VPS13B: variants seen among roughly 807,000 people sequenced by gnomAD.
The protein encoded by VPS13B is intermembrane lipid transfer protein VPS13B.
Under a neutral mutation model 426.4 loss-of-function variants are expected in VPS13B, and 285 were observed. That is an observed-to-expected ratio of 0.67 (90% CI 0.61 to 0.74). The LOEUF is 0.74. VPS13B is among the 30% of genes least tolerant of loss of function. The probability of loss-of-function intolerance (pLI) is 0.00; values close to 1 mark genes in which losing one functional copy is unlikely to be tolerated. For missense variants in VPS13B, 4,537 were observed against 4,782.6 expected (o/e 0.95, Z 1.51); for synonymous variants, 1,676 against 1,676.4 (o/e 1.00, Z 0.01).
chr8:99,408,585 A>G (rs1815455954), intron 21 of VPS13B, among the ~76,000 whole-genome samples: 1 of 152,154 alleles, frequency 6.6e-6, no homozygotes, highest in Admixed American at 6.6e-5. Context: ...GGCTATGTTA[A>G]ATTTGAAATT....
chr8:99,143,139 A>G lies in VPS13B; in HGVS notation c.1817A>G (p.Tyr606Cys). 1 of 1,614,040 alleles carries G rather than the reference A, an allele frequency of 6.2e-7. No homozygotes were observed. The highest frequency in any genetic ancestry group is 8.5e-7 in the Non-Finnish European group (1 of 1,179,958). The change falls in exon 13 of 62, where the codon TAT becomes TGT. Residue 606 changes from tyrosine (Y) to cysteine (C), a missense_variant. This residue lies in a region of VPS13B where 4,311 missense variants were observed against 4,474.3 expected (regional missense o/e 0.96). Coordinates refer to ENST00000357162, the MANE Select transcript of VPS13B (RefSeq NM_152564.5). ...KMIVCALEHE[Y>C]EPYSRLKSDI... ...ATTGTGTGTGCCTTGGAACATGAAT[A>G]TGAACCATATAGCAGGCTAAAATCA...
rs561538706 is a variant in VPS13B, at chr8:99,684,962, T to C, written c.6047-14563T>C. Among the ~76,000 whole-genome samples, 2 of 152,248 alleles carry C rather than the reference T, an allele frequency of 1.3e-5. 1 individual carries two copies. The highest frequency in any genetic ancestry group is 4.2e-4 in the South Asian group (2 of 4,812). On this transcript the variant is annotated intron_variant, in intron 35 of 61. Transcript: ENST00000357162. ...GGATTACAGGCACCTGCCACCAACC[T>C]GGCTAATTTTTTGTATTTTTAGTAG...
chr8:99,033,761 T>C (rs1482221290), intron 2 of VPS13B, among the ~76,000 whole-genome samples: 1 of 151,846 alleles, frequency 6.6e-6, no homozygotes, highest in Admixed American at 6.6e-5. Flanking sequence ...CTGGGTGTGG[T>C]GGTGGGTGCC....
intron 19 of VPS13B, among the ~76,000 whole-genome samples, chr8:99,289,337 T>G (rs544991124): frequency 6.6e-6 from 1 of 152,240 alleles, no homozygotes; most frequent in East Asian, 1.9e-4. Flanking sequence ...AGAGACACTA[T>G]CAAAGTATTT....
chr8:99,150,424 G>A (rs994963290), intron 14 of VPS13B, among the ~76,000 whole-genome samples: 1 of 152,062 alleles, frequency 6.6e-6, no homozygotes, highest in African/African-American at 2.4e-5. Flanking sequence ...TTACATTAGG[G>A]TTCACTCTTG....
intron 41 of VPS13B, among the ~76,000 whole-genome samples, chr8:99,777,492 A>C (rs1033027637): frequency 5.9e-5 from 9 of 152,288 alleles, no homozygotes; most frequent in African/African-American, 2.2e-4. Context: ...AGAACAGTAC[A>C]GGAAAGACCT....
In VPS13B at chr8:99,393,975, A is replaced by G. The variant is rs538440197; in HGVS notation, c.3082+2271A>G. Reference sequence around the variant, plus strand: ...TCAATCACTGTTTTAATTATTATTTATATTGCATCATAAATTATAATGAGT... The same window carrying G: ...TCAATCACTGTTTTAATTATTATTTGTATTGCATCATAAATTATAATGAGT... On this transcript the variant is annotated intron_variant, in intron 21 of 61. Transcript: ENST00000357162. Among the ~76,000 whole-genome samples the G allele has an allele frequency of 4.0e-4, 61 of 152,222 alleles. 1 individual carries two copies. Among genetic ancestry groups the G allele is most frequent in the Admixed American group, 7.9e-4 (12 of 15,282 alleles).
In VPS13B at chr8:99,038,507, C is replaced by A. The variant is rs954707371; in HGVS notation, c.232C>A (p.Pro78Thr). 6.2e-7 allele frequency: 1 copy of A among 1,612,518 alleles called. No homozygotes were observed. Among genetic ancestry groups the A allele is most frequent in the Non-Finnish European group, 8.5e-7 (1 of 1,179,150 alleles). Reference protein sequence around the residue: ...HVPWTKLGSEPVVITINTMEC... With the variant: ...HVPWTKLGSETVVITINTMEC... ...ACCATGGACAAAACTGGGTTCAGAA[C>A]CAGTGGTAATTACCATCAATACTAT... Residue 78 changes from proline (P) to threonine (T), a missense_variant, in exon 3 of 62, where the codon CCA becomes ACA. Physicochemically the swap from Pro to Thr is conservative, Grantham distance 38. Transcript: ENST00000357162.
intron 43 of VPS13B, among the ~76,000 whole-genome samples, chr8:99,795,048 A>C (rs1028462041): frequency 6.6e-6 from 1 of 152,194 alleles, no homozygotes; most frequent in African/African-American, 2.4e-5. Flanking sequence ...CATCATTTGC[A>C]TCTGATAAAG....
chr8:99,230,251 CT>C (rs1816250273), intron 17 of VPS13B, among the ~76,000 whole-genome samples: 1 of 152,042 alleles, frequency 6.6e-6, no homozygotes, highest in Admixed American at 6.6e-5. Flanking sequence ...GCATTTTAAA[CT>C]CTTCATGTGA....
intron 12 of VPS13B, 146 bp downstream of exon 12, chr8:99,136,898 A>G: frequency 1.3e-6 from 1 of 786,440 alleles, no homozygotes; most frequent in Non-Finnish European, 2.2e-6. Context: ...TTTTAACATC[A>G]TGTTAGAATT....
In VPS13B at chr8:99,868,284, T is replaced by G. The variant is rs756262531; in HGVS notation, c.11216-5T>G. The G allele has an allele frequency of 8.1e-6, 13 of 1,614,178 alleles. No individual in the cohort carries two copies. Among genetic ancestry groups the G allele is most frequent in the Non-Finnish European group, 1.0e-5 (12 of 1,180,022 alleles). On this transcript the variant is annotated splice_polypyrimidine_tract_variant and splice_region_variant and intron_variant, in intron 58 of 61. Transcript: ENST00000357162. ...TGTCCTTACTGAGGGCTTTTGTTAT[T>G]CCAGGTGCAATTGCTGGTATAGTTG...
chr8:99,861,708 G>A, intron 57 of VPS13B, 68 bp from the exon 58 acceptor site: 1 of 1,551,752 alleles, frequency 6.4e-7, no homozygotes, highest in South Asian at 1.2e-5. Context: ...CGCTGCCTCT[G>A]AAACTACTGC....
At chr8:99,866,059 T>C (rs1817081930) in intron 58 of VPS13B, among the ~76,000 whole-genome samples, 1 of 152,164 alleles carries the variant, frequency 6.6e-6, no homozygotes, top group African/African-American at 2.4e-5. Context: ...TGGAAACCCC[T>C]CCCAGTCACG....
Position 99,111,265 on chromosome 8 carries a change from C to A in VPS13B, c.748C>A (p.Pro250Thr), listed in dbSNP as rs745595959. Residue 250 changes from proline (P) to threonine (T), a missense_variant, in exon 6 of 62, where the codon CCA (proline) becomes ACA (threonine). By Grantham distance (38) the Pro-to-Thr change is conservative. Around this residue, in one of 2 missense-constraint regions of VPS13B, gnomAD observed 226 missense variants for 308.3 expected, o/e 0.73. Transcript: ENST00000357162. ...FTYENLNSKM[P>T]SVIKIHTLVE... is the part of the protein sequence containing the mutation. ...ATATGAAAACCTAAATTCCAAGATG[C>A]CATCTGTTATTAAAGTAGGTATCTC... is the stretch of plus-strand genomic sequence containing the variant. The A allele has an allele frequency of 3.1e-6, 5 of 1,601,194 alleles. No individual in the cohort carries two copies. In the Admixed American group the frequency reaches 5.1e-5, roughly 16 times the overall value.
chr8:99,167,293 C>T (rs932074919), intron 15 of VPS13B, among the ~76,000 whole-genome samples: 2 of 151,994 alleles, frequency 1.3e-5, no homozygotes, highest in African/African-American at 2.4e-5. Flanking sequence ...TTATGTGTTT[C>T]AGTGTATTAT....
intron 35 of VPS13B, among the ~76,000 whole-genome samples, chr8:99,669,373 G>T (rs938982184): frequency 3.3e-5 from 5 of 151,862 alleles, no homozygotes; most frequent in African/African-American, 9.7e-5. Flanking sequence ...GAGCTCTCTG[G>T]TATTTTTTTC....
chr8:99,460,397 A>G (rs1339461772), intron 23 of VPS13B, among the ~76,000 whole-genome samples: 2 of 152,176 alleles, frequency 1.3e-5, no homozygotes. Context: ...ATTGACACAT[A>G]TATCTACATA....
chr8:99,170,012 C>G (rs1473086124), intron 15 of VPS13B, 27 bp from the exon 16 acceptor site: 1 of 1,611,118 alleles, frequency 6.2e-7, no homozygotes, highest in African/African-American at 1.3e-5. Context: ...TCTGTGTGAA[C>G]ACTTGCATCT....
Sources: allele counts gnomAD v4.1 joint callset (sites outside exome capture counted in the v4.1 genomes callset), GRCh38; gene constraint gnomAD v4.1.1; regional missense constraint gnomAD v4.1.1; transcripts MANE v1.5; gene names NCBI Gene and HGNC (gene_info 2026-07-23, HGNC 2026-07-21).